Variants in BNC2 observed in about 807,000 individuals in gnomAD.
The protein encoded by BNC2 is zinc finger protein basonuclin-2.
BNC2 carries 20 observed loss-of-function variants against 76.3 expected under a neutral mutation model. The observed-to-expected ratio is 0.26, with a 90% CI of 0.18 to 0.38. BNC2 has a LOEUF of 0.38. Ranked by LOEUF, BNC2 falls within the 10% of genes least tolerant of loss-of-function variation. BNC2 has a pLI of 1.00. For synonymous variants in BNC2, 582 were observed against 514.8 expected, an observed-to-expected ratio of 1.13 and a Z score of -1.77; for missense variants, 1,382 against 1,399.8, an observed-to-expected ratio of 0.99 and a Z score of 0.20.
chr9:16,617,181 G>A (rs561759128), intron 3 of BNC2, among the ~76,000 whole-genome samples: 4 of 152,036 alleles, frequency 2.6e-5, no homozygotes, highest in African/African-American at 4.8e-5. Flanking sequence ...CACTTTAACC[G>A]TGGCCCTGCA....
chr9:16,616,790 G>GGGGAGGAAGGAGGGAAGGAAGGAA (rs1820712652), intron 3 of BNC2, among the ~76,000 whole-genome samples: 1 of 10,338 alleles, frequency 9.7e-5, no homozygotes, highest in African/African-American at 1.5e-4. Context: ...GGAGGAAGGA[G>GGGGAGGAAGGAGGGAAGGAAGGAA]GGAAGGAAGG....
intron 3 of BNC2, among the ~76,000 whole-genome samples, chr9:16,640,847 G>C (rs1821473372): frequency 6.6e-6 from 1 of 152,072 alleles, no homozygotes; most frequent in South Asian, 2.1e-4. Flanking sequence ...GTGGTCACAG[G>C]ACATCCAGGT....
At chr9:16,760,005 G>A (rs555925850) in intron 1 of BNC2, among the ~76,000 whole-genome samples, 12 of 152,278 alleles carry the variant, frequency 7.9e-5, no homozygotes, top group African/African-American at 2.6e-4. Context: ...TTACAGGCGT[G>A]AGCCACCGCG....
In BNC2 at chr9:16,633,993, G is replaced by A. The variant is rs140380773; in HGVS notation, c.331-50908C>T. Among the ~76,000 whole-genome samples the A allele has an allele frequency of 9.9e-5, 15 of 152,240 alleles. No homozygotes were observed. In the East Asian group the frequency reaches 2.5e-3, roughly 25 times the overall value. ...AAACTGTCACAATCCATGTAAATGT[G>A]CTGACACTGTTTATTAAACTACCCT... On this transcript the variant is annotated intron_variant, in intron 3 of 6. Transcript: ENST00000380672.
rs1285105531 is a variant in BNC2, at chr9:16,415,134, GC to G, written c.*3854del. The G allele has an allele frequency of 6.6e-6, 1 of 152,134 alleles. No homozygotes were observed. The highest frequency in any genetic ancestry group is 2.4e-5 in the African/African-American group (1 of 41,418). The allele number at this position is 152,134 out of a possible 1,614,324, so 9.4% of individuals were successfully genotyped here. On this transcript the variant is annotated 3_prime_UTR_variant, in exon 7 of 7. Coordinates refer to ENST00000380672, the MANE Select transcript of BNC2 (RefSeq NM_017637.6). ...CCTTTAAACCTTTAAAAGGCATCAG[GC>G]TGAACAGGGCAGCTGGACTAAGATC... is the stretch of plus-strand genomic sequence containing the variant.
At chr9:16,527,043 G>C (rs1172283200) in intron 5 of BNC2, among the ~76,000 whole-genome samples, 1 of 152,186 alleles carries the variant, frequency 6.6e-6, no homozygotes, top group Non-Finnish European at 1.5e-5. Context: ...GGAAGTGTTG[G>C]AAGCAGCACA....
At chr9:16,651,277 T>C (rs1184568273) in intron 3 of BNC2, among the ~76,000 whole-genome samples, 2 of 152,204 alleles carry the variant, frequency 1.3e-5, no homozygotes, top group African/African-American at 4.8e-5. Context: ...GTTTATTCAA[T>C]TGATGACTTC....
intron 3 of BNC2, among the ~76,000 whole-genome samples, chr9:16,688,074 T>G (rs1823029369): frequency 6.6e-6 from 1 of 152,070 alleles, no homozygotes. Context: ...ACTCCCATAT[T>G]CTAAAAAATG....
intron 5 of BNC2, among the ~76,000 whole-genome samples, chr9:16,511,844 C>G (rs1463696220): frequency 6.6e-6 from 1 of 152,158 alleles, no homozygotes; most frequent in Admixed American, 6.5e-5. Flanking sequence ...TTCACCAAAA[C>G]AAGCACAAGG....
intron 3 of BNC2, chr9:16,665,144 G>T (rs1822232575): frequency 2.2e-6 from 1 of 450,110 alleles, no homozygotes; most frequent in South Asian, 1.6e-5. Context: ...CAAGACGGGT[G>T]GATCACCTGA....
At chr9:16,594,062 A>G (rs1421096976) in intron 3 of BNC2, among the ~76,000 whole-genome samples, 1 of 152,184 alleles carries the variant, frequency 6.6e-6, no homozygotes, top group Non-Finnish European at 1.5e-5. Flanking sequence ...AATTACTAAT[A>G]TAATATGATA....
chr9:16,422,356 C>A (rs181643642), intron 6 of BNC2, among the ~76,000 whole-genome samples: 3 of 152,182 alleles, frequency 2.0e-5, no homozygotes, highest in Admixed American at 6.5e-5. Context: ...CAATTAAGTG[C>A]CATCCCTCAC....
chr9:16,592,766 T>A (rs1333312561), intron 3 of BNC2, among the ~76,000 whole-genome samples: 1 of 152,160 alleles, frequency 6.6e-6, no homozygotes, highest in Non-Finnish European at 1.5e-5. Context: ...TTTAATCCCA[T>A]AAGATATCAT....
intron 5 of BNC2, among the ~76,000 whole-genome samples, chr9:16,501,903 CAG>C (rs112128722): frequency 2.0e-5 from 3 of 152,284 alleles, no homozygotes; most frequent in Admixed American, 6.5e-5. Context: ...TGCTAAAGAA[CAG>C]AGAATAAGTG....
At chr9:16,560,742 T>C (rs1291278566) in intron 4 of BNC2, among the ~76,000 whole-genome samples, 2 of 152,146 alleles carry the variant, frequency 1.3e-5, no homozygotes, top group African/African-American at 4.8e-5. Context: ...AGCAAAAGAT[T>C]AAAAGATAAA....
intron 5 of BNC2, among the ~76,000 whole-genome samples, chr9:16,500,421 C>G (rs1190168142): frequency 6.6e-6 from 1 of 151,994 alleles, no homozygotes; most frequent in African/African-American, 2.4e-5. Flanking sequence ...AAGCTGATAG[C>G]AAGAACAAAC....
intron 4 of BNC2, among the ~76,000 whole-genome samples, chr9:16,576,155 T>C (rs552753847): frequency 1.3e-5 from 2 of 152,264 alleles, no homozygotes; most frequent in East Asian, 3.9e-4. Flanking sequence ...TAAACACCCC[T>C]CTGGAAAAAA....
intron 3 of BNC2, among the ~76,000 whole-genome samples, chr9:16,693,514 C>T (rs1401482617): frequency 6.6e-6 from 1 of 152,172 alleles, no homozygotes; most frequent in African/African-American, 2.4e-5. Context: ...AGTCCCTCAC[C>T]TGTGTTTACA....
chr9:16,738,246 A>G, intron 2 of BNC2, 114 bp downstream of exon 2: 1 of 1,188,162 alleles, frequency 8.4e-7, no homozygotes, highest in Non-Finnish European at 1.2e-6. Flanking sequence ...GATAAGTATG[A>G]AAGACAGTAA....
Sources: allele counts gnomAD v4.1 joint callset (sites outside exome capture counted in the v4.1 genomes callset), GRCh38; gene constraint gnomAD v4.1.1; transcripts MANE v1.5; gene names NCBI Gene and HGNC (gene_info 2026-07-23, HGNC 2026-07-21).